The following SLC6A16 variants were observed in gnomAD, a reference collection of about 807,000 sequenced individuals.
SLC6A16 encodes orphan sodium- and chloride-dependent neurotransmitter transporter NTT5.
Under a neutral mutation model 65.4 loss-of-function variants are expected in SLC6A16, and 54 were observed. That is an observed-to-expected ratio of 0.83 (90% CI 0.66 to 1.04). The LOEUF (loss-of-function observed/expected upper bound fraction) is 1.04. SLC6A16 is among the 50% of genes least tolerant of loss of function. The pLI is 0.00. For missense variants in SLC6A16, 816 were observed against 914.0 expected, an observed-to-expected ratio of 0.89 and a Z score of 1.38; for synonymous variants, 330 against 346.5, an observed-to-expected ratio of 0.95 and a Z score of 0.53.
chr19:49,295,710 C>T (rs905539832), intron 7 of SLC6A16, among the ~76,000 whole-genome samples: 1 of 152,172 alleles, frequency 6.6e-6, no homozygotes, highest in Non-Finnish European at 1.5e-5. Context: ...ATGCCAAATA[C>T]AACAAACTGG....
chr19:49,321,222 CAATAT>C (rs1211281592), intron 1 of SLC6A16, among the ~76,000 whole-genome samples: 2 of 151,094 alleles, frequency 1.3e-5, no homozygotes. Flanking sequence ...AAAAATCAAT[CAATAT>C]AATATACCAC....
At chr19:49,337,584 G>T in the SLC6A16 span, 1 of 1,321,740 alleles carries the variant, frequency 7.6e-7, no homozygotes, top group Non-Finnish European at 1.0e-6. Context: ...CACTCAGCCT[G>T]GGTGACAGAG....
chr19:49,336,247 T>C, the SLC6A16 span: 134,256 of 166,192 alleles, frequency 0.81, 54,848 homozygotes, highest in African/African-American at 0.93. Flanking sequence ...ACACATGTCC[T>C]CATGTGTCTC....
At chr19:49,336,189 A>C in the SLC6A16 span, 1 of 206,610 alleles carries the variant, frequency 4.8e-6, no homozygotes, top group East Asian at 1.2e-4. Context: ...TATAACCCTA[A>C]ACGCTCATAT....
intron 5 of SLC6A16, 109 bp from the exon 6 acceptor site, chr19:49,309,520 C>A (rs1970466745): frequency 1.6e-6 from 2 of 1,263,582 alleles, no homozygotes; most frequent in African/African-American, 1.5e-5. Context: ...TAGAAGAAAG[C>A]CTTCAGCAAG....
At chr19:49,337,016 C>G in the SLC6A16 span, 2 of 1,613,360 alleles carry the variant, frequency 1.2e-6, no homozygotes, top group Non-Finnish European at 1.7e-6. Context: ...CAAGGAGCTC[C>G]GCTGCCTCCT....
At chr19:49,309,273 G>A (rs1298762433) in intron 6 of SLC6A16, 28 bp downstream of exon 6, 5 of 1,590,818 alleles carry the variant, frequency 3.1e-6, no homozygotes, top group Non-Finnish European at 4.3e-6. Flanking sequence ...TACAAGGCCT[G>A]ACGGGGGAGT....
At chr19:49,326,781 G>A (rs1970802636), upstream of SLC6A16, among the ~76,000 whole-genome samples, 1 of 152,190 alleles carries the variant, frequency 6.6e-6, no homozygotes, top group South Asian at 2.1e-4. Flanking sequence ...CACTTTGGGA[G>A]GCCAAGGTGG....
intron 10 of SLC6A16, 165 bp downstream of exon 10, chr19:49,293,058 A>C (rs1970107934): frequency 1.6e-6 from 1 of 610,250 alleles, no homozygotes; most frequent in African/African-American, 1.8e-5. Context: ...TTCAGCACCC[A>C]AAATATATGT....
chr19:49,310,800 C>T (rs560399185), intron 2 of SLC6A16, 133 bp downstream of exon 2: 3 of 793,314 alleles, frequency 3.8e-6, no homozygotes, highest in African/African-American at 3.5e-5. Context: ...GTCCAGGGAC[C>T]TGGCTCCTAT....
At chr19:49,333,174 C>CA in the SLC6A16 span, among the ~76,000 whole-genome samples, 1 of 150,996 alleles carries the variant, frequency 6.6e-6, no homozygotes, top group South Asian at 2.1e-4. Context: ...AACAAACAAA[C>CA]AACAACAACA....
chr19:49,294,075 T>A lies in SLC6A16; in HGVS notation c.1417-47A>T, dbSNP rs774721164. ...GTTAAAGTGTCATTGAACTAAACAA[T>A]AACAAAAAAATATAGACAAGTATAC... On this transcript the variant is annotated intron_variant, in intron 8 of 11. Coordinates refer to ENST00000335875, the MANE Select transcript of SLC6A16 (RefSeq NM_014037.3). The A allele has an allele frequency of 3.3e-5, 50 of 1,495,582 alleles. No individual in the cohort carries two copies. The Admixed American group carries it at 4.2e-4, about 13-fold the overall frequency. 92.6% of individuals were successfully genotyped at this position (1,495,582 alleles called of 1,614,324 possible).
At chr19:49,290,552 G>A (rs745962423) in intron 11 of SLC6A16, 53 bp downstream of exon 11, 3 of 1,596,896 alleles carry the variant, frequency 1.9e-6, no homozygotes, top group Non-Finnish European at 2.6e-6. Context: ...AGAGTGAATT[G>A]AAAGGTCTGG....
At chr19:49,335,239 C>G in the SLC6A16 span, 2 of 419,836 alleles carry the variant, frequency 4.8e-6, no homozygotes, top group African/African-American at 4.1e-5. The surrounding 1 kb of genome is among the most constrained non-coding windows in gnomAD (Gnocchi z 4.6). Flanking sequence ...ACATGGAGAC[C>G]TGGGAGGGAC....
At chr19:49,330,867 G>A in the SLC6A16 span, among the ~76,000 whole-genome samples, 6 of 151,936 alleles carry the variant, frequency 3.9e-5, no homozygotes, top group South Asian at 2.1e-4. Flanking sequence ...GCTTGAACCC[G>A]GGAAGCAGAG....
intron 10 of SLC6A16, 158 bp downstream of exon 10, chr19:49,293,065 A>G (rs1970108182): frequency 3.2e-6 from 2 of 620,716 alleles, no homozygotes; most frequent in Non-Finnish European, 5.4e-6. Flanking sequence ...CCCAAAATAT[A>G]TGTGAAAATG....
At chr19:49,337,996 G>A in the SLC6A16 span, 3 of 1,614,024 alleles carry the variant, frequency 1.9e-6, no homozygotes, top group Non-Finnish European at 2.5e-6. Context: ...AGGAGACCGC[G>A]GCCGAGGAGA....
chr19:49,293,864 G>A lies in SLC6A16; in HGVS notation c.1581C>T (p.Thr527=). The change falls in exon 9 of 12, where the codon ACC becomes ACT. Residue 527 remains threonine (T), a synonymous_variant. Coordinates refer to ENST00000335875, the MANE Select transcript of SLC6A16 (RefSeq NM_014037.3). ...TTGTATGTTTCCTGAAGAAAGAGAA[G>A]GTGTCCTGGAGTGGAGTAATGATGC... ...MQGIITPLQD[T]FSFFRKHTKL... 6.2e-7 allele frequency: 1 copy of A among 1,614,066 alleles called. No individual in the cohort carries two copies. The highest frequency in any genetic ancestry group is 1.6e-4 in the Middle Eastern group (1 of 6,062).
At chr19:49,333,798 T>C in the SLC6A16 span, among the ~76,000 whole-genome samples, 1 of 152,012 alleles carries the variant, frequency 6.6e-6, no homozygotes, top group South Asian at 2.1e-4. Flanking sequence ...ACTAGATAGA[T>C]GGTGGGGCTG....
Sources: allele counts gnomAD v4.1 joint callset (sites outside exome capture counted in the v4.1 genomes callset), GRCh38; gene constraint gnomAD v4.1.1; non-coding constraint Gnocchi (gnomAD v3.1); transcripts MANE v1.5; gene names NCBI Gene and HGNC (gene_info 2026-07-23, HGNC 2026-07-21).